CPSF3: variants seen among roughly 807,000 people sequenced by gnomAD.
CPSF3 encodes cleavage and polyadenylation specificity factor subunit 3.
A neutral mutation model predicts 84.1 loss-of-function variants in CPSF3; 57 were observed. The ratio of observed to expected loss-of-function variants is 0.68; its 90% CI spans 0.55 to 0.85. The LOEUF (loss-of-function observed/expected upper bound fraction) is 0.85, where lower values mean the gene tolerates loss of function less well. Ranked by LOEUF, CPSF3 falls within the 40% of genes least tolerant of loss-of-function variation. The probability of loss-of-function intolerance (pLI) is 0.00; values close to 1 mark genes in which losing one functional copy is unlikely to be tolerated. For missense variants in CPSF3, 522 were observed against 838.8 expected (o/e 0.62, Z 4.66); for synonymous variants, 275 against 278.1 (o/e 0.99, Z 0.11).
intron 1 of CPSF3, 60 bp from the exon 2 acceptor site, chr2:9,428,705 T>A (rs149112325): frequency 1.4e-5 from 17 of 1,189,600 alleles, no homozygotes; most frequent in Non-Finnish European, 2.1e-5. Flanking sequence ...AAGTGTAAGT[T>A]TATTGGACTT....
intron 11 of CPSF3, among the ~76,000 whole-genome samples, chr2:9,452,280 G>A (rs150816945): frequency 0.012 from 1,702 of 147,762 alleles, 18 homozygotes; most frequent in Non-Finnish European, 0.019. Context: ...AGTGAGCTGA[G>A]ATTGTGCCAT....
intron 16 of CPSF3, among the ~76,000 whole-genome samples, chr2:9,469,742 A>G (rs1006766357): frequency 6.6e-6 from 1 of 152,108 alleles, no homozygotes; most frequent in East Asian, 1.9e-4. Context: ...GGAGGTTCCC[A>G]TGTCCTTAAA....
chr2:9,445,761 T>C (rs1051604061), intron 10 of CPSF3, among the ~76,000 whole-genome samples: 1 of 152,248 alleles, frequency 6.6e-6, no homozygotes, highest in Non-Finnish European at 1.5e-5. Flanking sequence ...CTGGTTCTAC[T>C]TCTGCTGACA....
chr2:9,430,931 T>A, intron 4 of CPSF3, 51 bp downstream of exon 4: 1 of 1,411,230 alleles, frequency 7.1e-7, no homozygotes, highest in Non-Finnish European at 9.9e-7. Flanking sequence ...ATGGCATGTA[T>A]GGTTCAAGAT....
At chr2:9,464,780 CAG>C (rs1681846509) in intron 15 of CPSF3, among the ~76,000 whole-genome samples, 1 of 151,946 alleles carries the variant, frequency 6.6e-6, no homozygotes, top group Non-Finnish European at 1.5e-5. Context: ...TTTATAGAGA[CAG>C]GGTTTCACCA....
At chr2:9,466,333 C>G (rs1363209607) in intron 15 of CPSF3, among the ~76,000 whole-genome samples, 8 of 129,976 alleles carry the variant, frequency 6.2e-5, no homozygotes, top group African/African-American at 3.0e-4. Flanking sequence ...CACAGACGCA[C>G]GCACACACGC....
intron 7 of CPSF3, among the ~76,000 whole-genome samples, chr2:9,437,162 G>A (rs1466689424): frequency 6.6e-6 from 1 of 152,138 alleles, no homozygotes; most frequent in Non-Finnish European, 1.5e-5. Context: ...CTAGCACTTA[G>A]GGAGGCTGAG....
intron 10 of CPSF3, among the ~76,000 whole-genome samples, chr2:9,446,328 C>T (rs1441142144): frequency 2.0e-5 from 3 of 152,126 alleles, no homozygotes; most frequent in African/African-American, 7.2e-5. Context: ...TGCCTGTAAT[C>T]CCAGCATTTT....
In CPSF3 at chr2:9,443,520, C is replaced by A; in HGVS notation, c.1101C>A (p.Ile367=). The A allele has an allele frequency of 6.2e-7, 1 of 1,611,576 alleles. No individual in the cohort carries two copies. The highest frequency in any genetic ancestry group is 8.5e-7 in the Non-Finnish European group (1 of 1,178,332). Residue 367 remains isoleucine, a synonymous_variant, in exon 10 of 18, where the codon ATC becomes ATA. Coordinates refer to ENST00000238112, the MANE Select transcript of CPSF3 (RefSeq NM_016207.4). ...TTTTTCTTTATTTTCCACAGCACAT[C>A]ATGTCTGAACCTGAAGAAATCACTA... is the stretch of plus-strand genomic sequence containing the variant. The part of the protein sequence containing the change: ...YCVEGTLAKH[I]MSEPEEITTM...
chr2:9,451,786 A>G (rs910491500), intron 11 of CPSF3, among the ~76,000 whole-genome samples: 5 of 146,126 alleles, frequency 3.4e-5, no homozygotes, highest in Admixed American at 2.1e-4. Flanking sequence ...GCGCGATCTC[A>G]GCTCACTGCA....
rs1195782622 is a variant in CPSF3 at position 9,440,549 on chromosome 2, T to G, written c.819T>G (p.Ser273=). ...ACATTCCAATATACTATGCATCATC[T>G]TTGGCCAAGAAGTGTATGGCAGTGT... The part of the protein sequence containing the change: ...LHDIPIYYAS[S]LAKKCMAVYQ... Residue 273 remains serine, a synonymous_variant, in exon 8 of 18, where the codon TCT becomes TCG. Coordinates refer to ENST00000238112, the MANE Select transcript of CPSF3 (RefSeq NM_016207.4). 6.2e-7 allele frequency: 1 copy of G among 1,614,090 alleles called. No individual in the cohort carries two copies. The highest frequency in any genetic ancestry group is 8.5e-7 in the Non-Finnish European group (1 of 1,180,042).
intron 11 of CPSF3, among the ~76,000 whole-genome samples, chr2:9,452,588 C>T (rs771274229): frequency 4.6e-5 from 7 of 152,110 alleles, no homozygotes; most frequent in African/African-American, 1.2e-4. Context: ...GTGCGTTTCA[C>T]GGGGACTTCC....
At chr2:9,438,878 C>T (rs756633676) in intron 7 of CPSF3, among the ~76,000 whole-genome samples, 1 of 152,152 alleles carries the variant, frequency 6.6e-6, no homozygotes, top group Non-Finnish European at 1.5e-5. Flanking sequence ...ATAGAAAGAA[C>T]AGCTGCTTTC....
intron 16 of CPSF3, among the ~76,000 whole-genome samples, chr2:9,468,969 T>G (rs1682069704): frequency 6.6e-6 from 1 of 152,174 alleles, no homozygotes; most frequent in African/African-American, 2.4e-5. Flanking sequence ...AATGATAGAC[T>G]TTAAATGATG....
chr2:9,427,137 A>G (rs1208577571), intron 1 of CPSF3, among the ~76,000 whole-genome samples: 1 of 152,224 alleles, frequency 6.6e-6, no homozygotes, highest in Non-Finnish European at 1.5e-5. Context: ...GACAGTGAGG[A>G]AAATGTCAAT....
chr2:9,435,262 A>T (rs1040519742), intron 6 of CPSF3, among the ~76,000 whole-genome samples: 1 of 152,202 alleles, frequency 6.6e-6, no homozygotes, highest in Non-Finnish European at 1.5e-5. Context: ...GAAGTATAAG[A>T]AACAACATCT....
chr2:9,467,841 G>T, intron 16 of CPSF3, 65 bp downstream of exon 16: 1 of 1,296,288 alleles, frequency 7.7e-7, no homozygotes, highest in Non-Finnish European at 1.1e-6. Flanking sequence ...CCCTGGATTC[G>T]GCTCTGACTC....
intron 14 of CPSF3, among the ~76,000 whole-genome samples, chr2:9,457,412 C>CA (rs1681571331): frequency 6.6e-6 from 1 of 152,016 alleles, no homozygotes; most frequent in African/African-American, 2.4e-5. Context: ...TAAATTAAAA[C>CA]AAACTTAGGT....
intron 13 of CPSF3, among the ~76,000 whole-genome samples, chr2:9,456,171 A>G (rs1240819224): frequency 6.6e-6 from 1 of 151,876 alleles, no homozygotes. Context: ...TCTATACAGC[A>G]GGTTTTATAA....
Sources: gnomAD v4.1 joint callset for allele counts (sites outside exome capture counted in the v4.1 genomes callset) on GRCh38, gnomAD v4.1.1 for gene constraint, MANE v1.5 for transcripts, NCBI Gene and HGNC (gene_info 2026-07-23, HGNC 2026-07-21) for gene names.